The following BLVRA variants were observed in gnomAD, a reference collection of about 807,000 sequenced individuals.
The protein encoded by BLVRA is biliverdin reductase A.
In BLVRA, 22 loss-of-function variants were observed where a neutral mutation model predicts 32.8. That is an observed-to-expected ratio of 0.67 (90% CI 0.48 to 0.96). BLVRA has a LOEUF of 0.96. Ranked by LOEUF, BLVRA falls within the 40% of genes least tolerant of loss-of-function variation. The pLI is 0.00. For missense variants in BLVRA, 323 were observed against 358.1 expected (o/e 0.90, Z 0.79); for synonymous variants, 119 against 141.3 (o/e 0.84, Z 1.12).
In BLVRA at chr7:43,787,919, G is replaced by C; in HGVS notation, c.28G>C (p.Gly10Arg). 1.2e-6 allele frequency: 2 copies of C among 1,614,192 alleles called. No homozygotes were observed. Among genetic ancestry groups the C allele is most frequent in the Middle Eastern group, 1.6e-4 (1 of 6,062 alleles). MNAEPERKF[G>R]VVVVGVGRAG... ...TGTGTTTCAGCCCGAGAGGAAGTTT[G>C]GCGTGGTGGTGGTTGGTGTTGGCCG... is the stretch of plus-strand genomic sequence containing the variant. The change falls in exon 3 of 8, where the codon GGC becomes CGC. Residue 10 changes from glycine to arginine, a missense_variant. Physicochemically the swap from Gly to Arg is moderately radical, Grantham distance 125. Transcript: ENST00000265523. The surrounding 1 kb of genome is among the most constrained non-coding windows in gnomAD (Gnocchi z 4.5).
chr7:43,803,580 C>T (rs1433884945), intron 6 of BLVRA, 96 bp from the exon 7 acceptor site: 1 of 1,395,548 alleles, frequency 7.2e-7, no homozygotes, highest in Non-Finnish European at 1.0e-6. Context: ...CACTCGGCCA[C>T]ATCTTTTCAC....
At chr7:43,771,378 C>T (rs973084777) in intron 2 of BLVRA, among the ~76,000 whole-genome samples, 6 of 152,136 alleles carry the variant, frequency 3.9e-5, no homozygotes, top group Non-Finnish European at 7.4e-5. Flanking sequence ...TGGCTTCATT[C>T]GAACTTACCC....
chr7:43,780,017 G>C (rs1279340587), intron 2 of BLVRA, among the ~76,000 whole-genome samples: 1 of 151,948 alleles, frequency 6.6e-6, no homozygotes, highest in Non-Finnish European at 1.5e-5. Context: ...GGGATTACAG[G>C]AGCACCACCA....
rs144948742 is a variant in BLVRA, at chr7:43,776,535, A to G, written c.12+5365A>G. On this transcript the variant is annotated intron_variant, in intron 2 of 7. Coordinates refer to ENST00000265523, the MANE Select transcript of BLVRA (RefSeq NM_000712.4). ...TTTGTTATAATTTCTGTTCTTTTAC[A>G]TCTTCTGAGGAGTGCTTTACTTCCA... 4.6e-3 allele frequency among the ~76,000 whole-genome samples: 698 copies of G among 152,272 alleles called. 6 individuals carry two copies. The highest frequency in any genetic ancestry group is 0.016 in the African/African-American group (658 of 41,540).
chr7:43,805,447 T>C (rs910728141), intron 7 of BLVRA, among the ~76,000 whole-genome samples: 6 of 152,042 alleles, frequency 3.9e-5, no homozygotes, highest in Admixed American at 3.9e-4. Flanking sequence ...CACGCCCGGC[T>C]CATTTTTGTA....
intron 5 of BLVRA, 21 bp downstream of exon 5, chr7:43,792,833 T>C: frequency 6.2e-7 from 1 of 1,609,126 alleles, no homozygotes; most frequent in Non-Finnish European, 8.5e-7. Context: ...TTACCAAGAG[T>C]TTCTGCCTCC....
At chr7:43,801,867 G>A (rs1221683091) in intron 6 of BLVRA, among the ~76,000 whole-genome samples, 2 of 152,248 alleles carry the variant, frequency 1.3e-5, no homozygotes, top group South Asian at 2.1e-4. Flanking sequence ...GGGCATAGTG[G>A]CTCACGCCTG....
At chr7:43,797,160 TG>T (rs1165045100) in intron 5 of BLVRA, among the ~76,000 whole-genome samples, 1 of 152,210 alleles carries the variant, frequency 6.6e-6, no homozygotes, top group Admixed American at 6.5e-5. Flanking sequence ...TTGAACGCAG[TG>T]GCGCAAACCT....
At chr7:43,788,436 AC>A (rs2095781048) in intron 3 of BLVRA, among the ~76,000 whole-genome samples, 1 of 151,752 alleles carries the variant, frequency 6.6e-6, no homozygotes, top group Admixed American at 6.6e-5. Flanking sequence ...AGTGTTATTA[AC>A]CCCCCAGTTT....
upstream of BLVRA, chr7:43,758,558 C>G (rs2095738686): frequency 6.5e-6 from 1 of 154,132 alleles, no homozygotes; most frequent in Non-Finnish European, 1.4e-5. Flanking sequence ...AGGCCGGGAC[C>G]CTCCCTCCCC....
At chr7:43,798,821 ATG>A (rs1181944492) in intron 5 of BLVRA, among the ~76,000 whole-genome samples, 1 of 152,172 alleles carries the variant, frequency 6.6e-6, no homozygotes, top group Non-Finnish European at 1.5e-5. Context: ...TGTGGTTACC[ATG>A]TGTGTTTATC....
intron 5 of BLVRA, among the ~76,000 whole-genome samples, chr7:43,795,341 C>A (rs111286733): frequency 0.11 from 17,071 of 152,150 alleles, 1,055 homozygotes; most frequent in Admixed American, 0.19. Context: ...CATGGTGAAA[C>A]CCCATCTCTA....
intron 2 of BLVRA, among the ~76,000 whole-genome samples, chr7:43,775,536 G>A (rs1039580749): frequency 1.3e-5 from 2 of 152,106 alleles, no homozygotes; most frequent in Non-Finnish European, 2.9e-5. Context: ...GCTGGATTTG[G>A]TTTGCCAGTA....
intron 1 of BLVRA, among the ~76,000 whole-genome samples, chr7:43,765,013 C>T (rs1469346146): frequency 6.6e-6 from 1 of 152,122 alleles, no homozygotes; most frequent in African/African-American, 2.4e-5. Flanking sequence ...CATCTGTGTG[C>T]ACCTGAGCCC....
intron 4 of BLVRA, 116 bp downstream of exon 4, chr7:43,791,484 A>G (rs890246277): frequency 1.2e-4 from 140 of 1,152,170 alleles, no homozygotes; most frequent in Non-Finnish European, 4.7e-5. Flanking sequence ...GAAAATTACA[A>G]TTGCTCTGTG....
chr7:43,800,615 G>T, intron 6 of BLVRA, 43 bp downstream of exon 6: 1 of 1,543,530 alleles, frequency 6.5e-7, no homozygotes, highest in South Asian at 1.1e-5. Flanking sequence ...GAGGTCCAAA[G>T]ACCAGCCAGA....
At chr7:43,803,469 T>C (rs2095800905) in intron 6 of BLVRA, among the ~76,000 whole-genome samples, 1 of 152,190 alleles carries the variant, frequency 6.6e-6, no homozygotes, top group Non-Finnish European at 1.5e-5. Flanking sequence ...AAGACAGAGA[T>C]GCTTTTATGA....
In BLVRA at chr7:43,807,240, A is replaced by G. The variant is rs1466734599; in HGVS notation, c.*5A>G. 3.1e-6 allele frequency: 5 copies of G among 1,603,064 alleles called. No homozygotes were observed. In the African/African-American group the frequency reaches 6.7e-5, roughly 21 times the overall value. On this transcript the variant is annotated 3_prime_UTR_variant, in exon 8 of 8. Transcript: ENST00000265523. ...TATTGCTGTTCAAGGAAGTAAGAGG[A>G]GGAGGTGATGTAGCACTTCCAAGAT... is the stretch of plus-strand genomic sequence containing the variant.
intron 5 of BLVRA, among the ~76,000 whole-genome samples, chr7:43,798,958 C>T (rs2095795767): frequency 6.6e-6 from 1 of 151,744 alleles, no homozygotes; most frequent in South Asian, 2.1e-4. Flanking sequence ...GAAAATATAA[C>T]ATGTTCCCCA....
Sources: gnomAD v4.1 joint callset for allele counts (sites outside exome capture counted in the v4.1 genomes callset) on GRCh38, gnomAD v4.1.1 for gene constraint, Gnocchi (gnomAD v3.1) non-coding constraint, MANE v1.5 for transcripts, NCBI Gene and HGNC (gene_info 2026-07-23, HGNC 2026-07-21) for gene names.